The following ATF7IP2 variants were observed in gnomAD, a reference collection of about 807,000 sequenced individuals.
The protein encoded by ATF7IP2 is activating transcription factor 7 interacting protein 2.
ATF7IP2 carries 42 observed loss-of-function variants against 64.2 expected under a neutral mutation model. That is an observed-to-expected ratio of 0.65 (90% confidence interval 0.51 to 0.85). ATF7IP2 has a LOEUF of 0.85. ATF7IP2 is among the 40% of genes least tolerant of loss of function. The probability of loss-of-function intolerance (pLI) is 0.00; values close to 1 mark genes in which losing one functional copy is unlikely to be tolerated. For synonymous variants in ATF7IP2, 308 were observed against 272.8 expected, an observed-to-expected ratio of 1.13 and a Z score of -1.27; for missense variants, 933 against 784.2, an observed-to-expected ratio of 1.19 and a Z score of -2.27.
intron 1 of ATF7IP2, among the ~76,000 whole-genome samples, chr16:10,389,235 T>C (rs1380428756): frequency 1.3e-5 from 2 of 152,130 alleles, no homozygotes; most frequent in Non-Finnish European, 2.9e-5. Flanking sequence ...GAAAGAAAGA[T>C]AGTGTAGTCA....
At chr16:10,453,400 T>A (rs1255585978) in intron 8 of ATF7IP2, among the ~76,000 whole-genome samples, 1 of 152,182 alleles carries the variant, frequency 6.6e-6, no homozygotes, top group Non-Finnish European at 1.5e-5. Flanking sequence ...TAGCTCGCTG[T>A]CTGTGGCTAC....
At chr16:10,434,419 C>G (rs187956635) in intron 6 of ATF7IP2, among the ~76,000 whole-genome samples, 2 of 152,088 alleles carry the variant, frequency 1.3e-5, no homozygotes, top group African/African-American at 4.8e-5. Flanking sequence ...GAAATTTCCC[C>G]GTCTAAACTA....
intron 9 of ATF7IP2, among the ~76,000 whole-genome samples, chr16:10,466,832 C>G (rs1384647547): frequency 2.6e-5 from 4 of 151,742 alleles, no homozygotes; most frequent in African/African-American, 4.8e-5. Context: ...AATGCTCTAT[C>G]TTTTTTAACT....
At chr16:10,440,582 T>C (rs1345056774) in intron 8 of ATF7IP2, 120 bp downstream of exon 8, 1 of 607,300 alleles carries the variant, frequency 1.6e-6, no homozygotes, top group African/African-American at 2.0e-5. Flanking sequence ...AAGTTTTTAC[T>C]TAGAGTGTTC....
chr16:10,418,046 C>T (rs1375147602), intron 2 of ATF7IP2, among the ~76,000 whole-genome samples: 2 of 152,178 alleles, frequency 1.3e-5, no homozygotes, highest in Non-Finnish European at 2.9e-5. Context: ...GGGCTGACAG[C>T]CTTCAAAGCT....
At chr16:10,460,287 G>T (rs146799438) in intron 9 of ATF7IP2, among the ~76,000 whole-genome samples, 1 of 152,112 alleles carries the variant, frequency 6.6e-6, no homozygotes, top group East Asian at 1.9e-4. Context: ...CAATTAAAAA[G>T]ATATATGGTG....
In ATF7IP2 at chr16:10,430,457, G is replaced by T; in HGVS notation, c.-10-154G>T. On this transcript the variant is annotated intron_variant, in intron 4 of 13. Coordinates refer to ENST00000562102, the MANE Select transcript of ATF7IP2 (RefSeq NM_001393719.1). ...AAGATTTTTATGTTTTCAGTGTCATGAAAATGGATATGATTTTCAGTAAGG... is the reference window on the plus strand; with the variant it reads ...AAGATTTTTATGTTTTCAGTGTCATTAAAATGGATATGATTTTCAGTAAGG... 8.8e-6 allele frequency: 5 copies of T among 567,248 alleles called. No homozygotes were observed. The Admixed American group carries it at 1.7e-4, about 19-fold the overall frequency. The allele number at this position is 567,248 out of a possible 1,614,324, so 35.1% of individuals were successfully genotyped here.
chr16:10,396,154 A>C (rs906548289), intron 1 of ATF7IP2, among the ~76,000 whole-genome samples: 1 of 152,176 alleles, frequency 6.6e-6, no homozygotes, highest in African/African-American at 2.4e-5. Context: ...AAGCATATAT[A>C]ATAGCATCAA....
chr16:10,436,842 C>G (rs1422835219), intron 6 of ATF7IP2, among the ~76,000 whole-genome samples: 3 of 152,190 alleles, frequency 2.0e-5, no homozygotes, highest in East Asian at 1.9e-4. Flanking sequence ...CTCAGCAGAG[C>G]TGCTCATATC....
chr16:10,478,418 TA>T (rs1220851978), intron 12 of ATF7IP2, among the ~76,000 whole-genome samples: 3 of 152,200 alleles, frequency 2.0e-5, no homozygotes, highest in Admixed American at 1.3e-4. Context: ...ATTCCCTATT[TA>T]ATAAATGGTG....
chr16:10,405,410 C>A (rs1275142396), intron 1 of ATF7IP2, among the ~76,000 whole-genome samples: 2 of 152,010 alleles, frequency 1.3e-5, no homozygotes, highest in Non-Finnish European at 2.9e-5. Context: ...GTGAAGACAC[C>A]TGGAAGGGGC....
At chr16:10,448,251 A>G (rs2048875573) in intron 8 of ATF7IP2, 1 of 152,106 alleles carries the variant, frequency 6.6e-6, no homozygotes, top group Non-Finnish European at 1.5e-5. Context: ...TCTTGGCTAT[A>G]TGGGCTCTTT....
chr16:10,424,984 G>C (rs2048054651), intron 3 of ATF7IP2, among the ~76,000 whole-genome samples: 1 of 151,416 alleles, frequency 6.6e-6, no homozygotes, highest in Non-Finnish European at 1.5e-5. Flanking sequence ...TCTACTGCTA[G>C]GTATATAGAA....
chr16:10,470,246 A>C (rs1165158710), intron 9 of ATF7IP2, among the ~76,000 whole-genome samples: 1 of 152,178 alleles, frequency 6.6e-6, no homozygotes, highest in East Asian at 1.9e-4. Flanking sequence ...ACACACAAGC[A>C]AGAAACAATT....
Position 10,465,919 on chromosome 16 carries a change from G to A in ATF7IP2, c.1353-6191G>A, listed in dbSNP as rs545351804. Among the ~76,000 whole-genome samples the A allele has an allele frequency of 1.9e-3, 283 of 152,076 alleles. 1 individual carries two copies. The highest frequency in any genetic ancestry group is 6.6e-3 in the African/African-American group (274 of 41,482). Reference sequence around the variant, plus strand: ...CAGACATAATTTTTAAAATATAGTTGACATGTAATATCTACTAAAAGCTAC... The same window carrying A: ...CAGACATAATTTTTAAAATATAGTTAACATGTAATATCTACTAAAAGCTAC... On this transcript the variant is annotated intron_variant, in intron 9 of 13. Coordinates refer to ENST00000562102, the MANE Select transcript of ATF7IP2 (RefSeq NM_001393719.1).
In ATF7IP2 at chr16:10,418,397, T is replaced by A. The variant is rs536379173; in HGVS notation, c.-202-1184T>A. Reference sequence around the variant, plus strand: ...GTTTTGGGGCCTGTTGATGGCCAGATTTGGGGGCCTGTTCCCAACATGTCC... The same window carrying A: ...GTTTTGGGGCCTGTTGATGGCCAGAATTGGGGGCCTGTTCCCAACATGTCC... On this transcript the variant is annotated intron_variant, in intron 2 of 13. Transcript: ENST00000562102. Among the ~76,000 whole-genome samples, 3 of 152,302 alleles carry A rather than the reference T, an allele frequency of 2.0e-5. No individual in the cohort carries two copies. In the East Asian group the frequency reaches 5.8e-4, roughly 29 times the overall value.
At chr16:10,391,813 T>C (rs1389612622) in intron 1 of ATF7IP2, among the ~76,000 whole-genome samples, 1 of 151,866 alleles carries the variant, frequency 6.6e-6, no homozygotes, top group Non-Finnish European at 1.5e-5. Context: ...GGAGAATTGC[T>C]TAAACCCGGG....
In ATF7IP2 at chr16:10,437,210, G is replaced by A. The variant is rs549910596; in HGVS notation, c.961-891G>A. Reference sequence around the variant, plus strand: ...TAATTTTTGTATTTTTAGTAGAGTCGGGGTTTCACCATGTTGGTCAGGCTG... The same window carrying A: ...TAATTTTTGTATTTTTAGTAGAGTCAGGGTTTCACCATGTTGGTCAGGCTG... On this transcript the variant is annotated intron_variant, in intron 6 of 13. Coordinates refer to ENST00000562102, the MANE Select transcript of ATF7IP2 (RefSeq NM_001393719.1). Among the ~76,000 whole-genome samples, 437 of 151,998 alleles carry A rather than the reference G, an allele frequency of 2.9e-3. 2 individuals are homozygous for A. The highest frequency in any genetic ancestry group is 4.4e-3 in the Non-Finnish European group (302 of 67,966).
intron 12 of ATF7IP2, among the ~76,000 whole-genome samples, chr16:10,475,425 C>T (rs1282860711): frequency 6.6e-6 from 1 of 152,124 alleles, no homozygotes; most frequent in Non-Finnish European, 1.5e-5. Flanking sequence ...GGCGCGGTGG[C>T]TCACGCCTGT....
Sources: allele counts gnomAD v4.1 joint callset (sites outside exome capture counted in the v4.1 genomes callset), GRCh38; gene constraint gnomAD v4.1.1; transcripts MANE v1.5; gene names NCBI Gene and HGNC (gene_info 2026-07-23, HGNC 2026-07-21).